SMARCA1: variants seen among roughly 807,000 people sequenced by gnomAD.
SMARCA1 encodes SWI/SNF-related matrix-associated actin-dependent regulator of chromatin subfamily A member 1.
In SMARCA1, 17 loss-of-function variants were observed where a neutral mutation model predicts 93.6. The ratio of observed to expected loss-of-function variants is 0.18; its 90% confidence interval spans 0.12 to 0.27. The LOEUF (loss-of-function observed/expected upper bound fraction) is 0.27. Ranked by LOEUF, SMARCA1 falls within the 10% of genes least tolerant of loss-of-function variation. The pLI is 1.00. For missense variants in SMARCA1, 630 were observed against 819.0 expected (o/e 0.77, Z 2.82); for synonymous variants, 271 against 271.4 (o/e 1.00, Z 0.01).
intron 6 of SMARCA1, among the ~76,000 whole-genome samples, chrX:129,510,496 A>G (rs1429529982): frequency 8.9e-6 from 1 of 112,026 alleles, no homozygotes; most frequent in African/African-American, 3.2e-5. Context: ...TGAGCCCAGG[A>G]GTTCAAGGCT....
At chrX:129,470,501 A>G (rs916189591) in intron 20 of SMARCA1, among the ~76,000 whole-genome samples, 1 of 112,163 alleles carries the variant, frequency 8.9e-6, no homozygotes, top group Admixed American at 9.5e-5. Flanking sequence ...CCATTAATAA[A>G]AAATTAGTAG....
rs199564138 is a variant in SMARCA1, at chrX:129,468,799, G to A, written c.2672C>T (p.Ser891Phe). The part of the protein sequence containing the change: ...DNIAREVEGK[S>F]PEEVMEYSAV... ...TGAATACTCCATGACCTCCTCAGGG[G>A]ATTTGCCCTCTACCTCTCGAGCTAT... The change falls in exon 21 of 25, where the codon TCC (serine) becomes TTC (phenylalanine). Residue 891 changes from serine to phenylalanine, a missense_variant. Physicochemically the swap from Ser to Phe is radical, Grantham distance 155 (BLOSUM62 -2). Coordinates refer to ENST00000371121, the MANE Select transcript of SMARCA1 (RefSeq NM_001282874.2). 1.7e-6 allele frequency: 2 copies of A among 1,189,305 alleles called. No individual in the cohort carries two copies. Among genetic ancestry groups the A allele is most frequent in the Non-Finnish European group, 2.3e-6 (2 of 877,725 alleles).
At position 129,515,670 on chromosome X, in the gene SMARCA1, A is replaced by T. The variant is rs765872614; in HGVS notation, c.630+17T>A. Reference sequence around the variant, plus strand: ...CATTGATAACTGAGAATGTGTTTTTAGCTACCAATTCCTTACCATTTCATC... The same window carrying T: ...CATTGATAACTGAGAATGTGTTTTTTGCTACCAATTCCTTACCATTTCATC... On this transcript the variant is annotated intron_variant, in intron 5 of 24. Coordinates refer to ENST00000371121, the MANE Select transcript of SMARCA1 (RefSeq NM_001282874.2). The T allele has an allele frequency of 3.7e-6, 4 of 1,067,582 alleles. No homozygotes were observed. The South Asian group carries it at 7.6e-5, about 20-fold the overall frequency. The allele number at this position is 1,067,582 out of a possible 1,213,427, so 88.0% of individuals were successfully genotyped here.
chrX:129,487,753 C>A (rs2124267508), intron 16 of SMARCA1, among the ~76,000 whole-genome samples: 1 of 111,960 alleles, frequency 8.9e-6, no homozygotes, highest in East Asian at 2.8e-4. Flanking sequence ...AAATCTCAAC[C>A]ATGGCAATTT....
chrX:129,468,152 C>A (rs1017641151), intron 21 of SMARCA1, among the ~76,000 whole-genome samples: 1 of 112,547 alleles, frequency 8.9e-6, no homozygotes, highest in East Asian at 2.8e-4. Flanking sequence ...TTATAATAAA[C>A]CAGTAAGTGT....
At chrX:129,484,168 C>T (rs1053797201) in intron 17 of SMARCA1, among the ~76,000 whole-genome samples, 17 of 112,132 alleles carry the variant, frequency 1.5e-4, no homozygotes, top group African/African-American at 5.5e-4. Flanking sequence ...TAATTTTTCT[C>T]TAAAAATGTG....
At chrX:129,450,633 T>C (rs1737383851) in intron 23 of SMARCA1, among the ~76,000 whole-genome samples, 1 of 111,852 alleles carries the variant, frequency 8.9e-6, no homozygotes, top group African/African-American at 3.2e-5. Flanking sequence ...AACTAAAATT[T>C]TGGTAATCTG....
chrX:129,521,057 G>A (rs769777445), intron 1 of SMARCA1, among the ~76,000 whole-genome samples: 2 of 103,856 alleles, frequency 1.9e-5, no homozygotes, highest in Non-Finnish European at 3.9e-5. Context: ...TTTTTTTTTT[G>A]GTATTTTTAG....
chrX:129,496,934 CAAAAT>C, intron 11 of SMARCA1, 63 bp from the exon 12 acceptor site: 1 of 1,024,239 alleles, frequency 9.8e-7, no homozygotes, highest in South Asian at 2.1e-5. Context: ...TTAAAAGCTA[CAAAAT>C]AAACATATGC....
intron 17 of SMARCA1, among the ~76,000 whole-genome samples, chrX:129,482,761 C>T (rs1933737360): frequency 8.9e-6 from 1 of 111,931 alleles, no homozygotes; most frequent in Non-Finnish European, 1.9e-5. Flanking sequence ...ACTGACACTA[C>T]AATGTTCTGG....
chrX:129,479,653 ATATTTTATTTTATTTTATTT>A (rs3069688), intron 19 of SMARCA1, among the ~76,000 whole-genome samples: 7,761 of 93,919 alleles, frequency 0.083, 384 homozygotes, highest in East Asian at 0.21. Flanking sequence ...AATAGTGTTA[ATATTTTATTTTATTTTATTT>A]TATTTTATTT....
In SMARCA1 at chrX:129,523,032, G is replaced by A. The variant is rs1935466210; in HGVS notation, c.174+165C>T. Among the ~76,000 whole-genome samples, 3 of 111,532 alleles carry A rather than the reference G, an allele frequency of 2.7e-5. No homozygotes were observed. The Admixed American group carries it at 2.8e-4, about 10-fold the overall frequency. On this transcript the variant is annotated intron_variant, in intron 1 of 24. Coordinates refer to ENST00000371121, the MANE Select transcript of SMARCA1 (RefSeq NM_001282874.2). Reference sequence around the variant, plus strand: ...CCAGGCGGCGAGAAGGAAAGGGGGAGGGGAGCGAACGCCAGGCGGTTCCGC... The same window carrying A: ...CCAGGCGGCGAGAAGGAAAGGGGGAAGGGAGCGAACGCCAGGCGGTTCCGC...
Position 129,518,395 on chromosome X carries a change from T to C in SMARCA1, c.227A>G (p.Glu76Gly). The change falls in exon 2 of 25, where the codon GAA (glutamate) becomes GGA (glycine). Residue 76 changes from glutamate (E) to glycine (G), a missense_variant. Physicochemically the swap from Glu to Gly is moderately conservative, Grantham distance 98. This residue lies in a region of SMARCA1 where 103 missense variants were observed against 82.0 expected (regional missense o/e 1.26). Transcript: ENST00000371121. Reference protein sequence around the residue: ...LKLAAKAPKSEKEMDPEYEEK... With the variant: ...LKLAAKAPKSGKEMDPEYEEK... ...TTCATATTCTGGGTCCATTTCCTTT[T>C]CAGATTTAGGCGCTTTAGCAGCAAG... is the stretch of plus-strand genomic sequence containing the variant. 1.7e-6 allele frequency: 2 copies of C among 1,198,144 alleles called. No individual in the cohort carries two copies. Among genetic ancestry groups the C allele is most frequent in the Non-Finnish European group, 2.3e-6 (2 of 887,016 alleles).
chrX:129,516,036 G>C (rs1481427966), intron 3 of SMARCA1, 42 bp from the exon 4 acceptor site: 1 of 953,819 alleles, frequency 1.0e-6, no homozygotes, highest in Admixed American at 2.4e-5. Context: ...CGACCTAAAT[G>C]ATAAGGTATC....
chrX:129,486,955 T>C, intron 17 of SMARCA1, 63 bp downstream of exon 17: 1 of 983,979 alleles, frequency 1.0e-6, no homozygotes, highest in Non-Finnish European at 1.4e-6. Context: ...CCAGTGTTAT[T>C]TTATAATTGT....
intron 23 of SMARCA1, among the ~76,000 whole-genome samples, chrX:129,465,153 G>A (rs1272270129): frequency 9.0e-6 from 1 of 111,397 alleles, no homozygotes; most frequent in Non-Finnish European, 1.9e-5. Context: ...ATGTTTTCAG[G>A]TGGGATTGTG....
chrX:129,454,958 G>A (rs1287707913), intron 23 of SMARCA1, among the ~76,000 whole-genome samples: 2 of 111,931 alleles, frequency 1.8e-5, no homozygotes, highest in East Asian at 5.6e-4. Flanking sequence ...GGAAACAACA[G>A]ATGCTGGAGA....
intron 6 of SMARCA1, among the ~76,000 whole-genome samples, chrX:129,509,746 C>T (rs1408921712): frequency 1.8e-5 from 2 of 111,645 alleles, no homozygotes; most frequent in African/African-American, 6.5e-5. Flanking sequence ...CCTACACAAT[C>T]AGTAGCAAAG....
intron 9 of SMARCA1, among the ~76,000 whole-genome samples, chrX:129,504,165 C>T (rs1934686111): frequency 9.0e-6 from 1 of 111,161 alleles, no homozygotes; most frequent in Non-Finnish European, 1.9e-5. Context: ...GTAATCCCAG[C>T]TACTCGGGAG....
Sources: allele counts gnomAD v4.1 joint callset (sites outside exome capture counted in the v4.1 genomes callset), GRCh38; gene constraint gnomAD v4.1.1; regional missense constraint gnomAD v4.1.1; transcripts MANE v1.5; gene names NCBI Gene and HGNC (gene_info 2026-07-23, HGNC 2026-07-21).